DNASE1L1: variants seen among roughly 807,000 people sequenced by gnomAD.
DNASE1L1 encodes deoxyribonuclease 1 like 1, also known as deoxyribonuclease-1-like 1.
In DNASE1L1, 8 loss-of-function variants were observed where a neutral mutation model predicts 18.6. The observed-to-expected ratio is 0.43, with a 90% confidence interval of 0.25 to 0.78. The LOEUF (loss-of-function observed/expected upper bound fraction) is 0.78. Ranked by LOEUF, DNASE1L1 falls within the 30% of genes least tolerant of loss-of-function variation. The pLI is 0.23. For synonymous variants in DNASE1L1, 114 were observed against 114.2 expected (o/e 1.00, Z 0.01); for missense variants, 214 against 258.2 (o/e 0.83, Z 1.17).
chrX:154,405,202 A>G (rs1352043104), intron 2 of DNASE1L1, 119 bp from the exon 3 acceptor site: 2 of 850,983 alleles, frequency 2.4e-6, no homozygotes, highest in Admixed American at 7.2e-5. Context: ...ACTGCAGCCC[A>G]CAGAAAGCAG....
At chrX:154,403,822 T>C in intron 4 of DNASE1L1, 200 bp from the exon 5 acceptor site, 1 of 429,325 alleles carries the variant, frequency 2.3e-6, no homozygotes, top group Non-Finnish European at 4.1e-6. Context: ...ACAACACGGT[T>C]CTTTTGTACA....
At chrX:154,411,221 A>C, upstream of DNASE1L1, among the ~76,000 whole-genome samples, 1 of 110,620 alleles carries the variant, frequency 9.0e-6, no homozygotes, top group Admixed American at 9.5e-5. Flanking sequence ...AGGCGGGTGG[A>C]TCAGAGTGTG....
rs2068135439 is a variant in DNASE1L1 at position 154,405,642 on chromosome X, T to C, written c.-74A>G. The C allele has an allele frequency of 6.0e-6, 6 of 994,339 alleles. No homozygotes were observed. The South Asian group carries it at 2.0e-4, about 33-fold the overall frequency. The allele number at this position is 994,339 out of a possible 1,213,427, so 81.9% of individuals were successfully genotyped here. On this transcript the variant is annotated 5_prime_UTR_variant, in exon 2 of 8. Coordinates refer to ENST00000369807, the MANE Select transcript of DNASE1L1 (RefSeq NM_001303620.2). ...GGTGCGCTCTCACTGGGCTCAGTTC[T>C]GGCTCTGGAAGCGCTGAAATATGGA... is the stretch of plus-strand genomic sequence containing the variant.
At chrX:154,405,107 C>A (rs782622073) in intron 2 of DNASE1L1, 24 bp from the exon 3 acceptor site, 4 of 1,196,304 alleles carry the variant, frequency 3.3e-6, no homozygotes, top group South Asian at 1.8e-5. Context: ...GGAAGGCCAG[C>A]CTGACTCAGT....
chrX:154,405,470 C>G lies in DNASE1L1; in HGVS notation c.99G>C (p.Lys33Asn). ...AFNAQRLTLA[K>N]VAREQVMDTL... ...TGTCCATCACCTGCTCCCTGGCCAC[C>G]TTGGCCAGTGTCAGCCGCTGGGCAT... Residue 33 changes from lysine to asparagine, a missense_variant, in exon 2 of 8, where the codon AAG (lysine) becomes AAC (asparagine). Coordinates refer to ENST00000369807, the MANE Select transcript of DNASE1L1 (RefSeq NM_001303620.2). The G allele has an allele frequency of 8.3e-7, 1 of 1,202,820 alleles. No individual in the cohort carries two copies. The highest frequency in any genetic ancestry group is 1.1e-6 in the Non-Finnish European group (1 of 888,531).
At chrX:154,403,248 G>A (rs781920877) in intron 6 of DNASE1L1, 21 bp downstream of exon 6, 1 of 1,209,503 alleles carries the variant, frequency 8.3e-7, no homozygotes, top group East Asian at 3.0e-5. Flanking sequence ...TGTCCCTCCT[G>A]TACAAACTGC....
In DNASE1L1 at chrX:154,405,440, TA is replaced by T; in HGVS notation, c.128del (p.Leu43Ter). On this transcript the variant is annotated frameshift_variant, in exon 2 of 8. Coordinates refer to ENST00000369807, the MANE Select transcript of DNASE1L1 (RefSeq NM_001303620.2). LOFTEE classifies it high-confidence loss of function. ...KVAREQVMDT[L>X]VRILARCDIM... ...CCTGAAGTGATGAACTTACCCGAAC[TA>T]AGGTGTCCATCACCTGCTCCCTGGC... is the stretch of plus-strand genomic sequence containing the variant. 8.4e-7 allele frequency: 1 copy of T among 1,189,202 alleles called. No individual in the cohort carries two copies. Among genetic ancestry groups the T allele is most frequent in the Non-Finnish European group, 1.1e-6 (1 of 880,223 alleles).
chrX:154,406,400 G>A (rs1177919165), intron 1 of DNASE1L1, among the ~76,000 whole-genome samples: 16 of 83,254 alleles, frequency 1.9e-4, no homozygotes, highest in Middle Eastern at 8.5e-3. Flanking sequence ...ACGGAGTTTC[G>A]CTCTTGCTGC....
upstream of DNASE1L1, among the ~76,000 whole-genome samples, chrX:154,411,049 ATAT>A (rs2068271037): frequency 1.8e-5 from 2 of 112,262 alleles, no homozygotes; most frequent in Admixed American, 1.9e-4. Flanking sequence ...ATGATACACA[ATAT>A]GTTTGTATAT....
At chrX:154,411,776 C>A (rs1378989084), upstream of DNASE1L1, 14 of 1,031,681 alleles carry the variant, frequency 1.4e-5, no homozygotes, top group Non-Finnish European at 1.8e-5. Context: ...CGGTCGAGGT[C>A]GCAGACCTAG....
In DNASE1L1 at chrX:154,405,427, A is replaced by T. The variant is rs1557188181; in HGVS notation, c.135+7T>A. The T allele has an allele frequency of 8.5e-7, 1 of 1,179,691 alleles. No homozygotes were observed. The highest frequency in any genetic ancestry group is 3.0e-5 in the East Asian group (1 of 33,151). The stretch of plus-strand genomic sequence containing the variant: ...GGGGCACGGCTTCCCTGAAGTGATG[A>T]ACTTACCCGAACTAAGGTGTCCATC... On this transcript the variant is annotated splice_region_variant and intron_variant, in intron 2 of 7. Transcript: ENST00000369807.
upstream of DNASE1L1, chrX:154,412,043 T>C: frequency 8.3e-7 from 1 of 1,207,908 alleles, no homozygotes; most frequent in Non-Finnish European, 1.1e-6. Context: ...GGCCCCGACC[T>C]AGCGGGCGAG....
rs140830574 is a variant in DNASE1L1, at chrX:154,404,845, C to T, written c.294G>A (p.Thr98=). 59 of 1,209,848 alleles carry T rather than the reference C, an allele frequency of 4.9e-5. No homozygotes were observed. The highest frequency in any genetic ancestry group is 6.1e-5 in the Non-Finnish European group (55 of 894,971). The part of the protein sequence containing the change: ...PQLGRSTYME[T]YVYFYRSHKT... ...GTGCTCACCGATAGAAGTACACATA[C>T]GTCTCCATGTAGGTGCTGCGCCCCA... Residue 98 remains threonine (T), a synonymous_variant, in exon 4 of 8, where the codon ACG becomes ACA. Transcript: ENST00000369807.
chrX:154,402,988 G>A lies in DNASE1L1; in HGVS notation c.728C>T (p.Ala243Val). 2 of 1,211,062 alleles carry A rather than the reference G, an allele frequency of 1.7e-6. No homozygotes were observed. The highest frequency in any genetic ancestry group is 2.2e-6 in the Non-Finnish European group (2 of 895,496). ...GERCRSLLHT[A>V]AAFDFPTSFQ... is the part of the protein sequence containing the mutation. ...GCTCGTGGGGAAGTCAAAGGCAGCC[G>A]CAGTGTGCAGCAGACTCCGGCAGCG... Residue 243 changes from alanine (A) to valine (V), a missense_variant, in exon 7 of 8, where the codon GCG (alanine) becomes GTG (valine). Physicochemically the swap from Ala to Val is moderately conservative, Grantham distance 64. Transcript: ENST00000369807.
chrX:154,404,828 C>T lies in DNASE1L1; in HGVS notation c.311G>A (p.Arg104Gln), dbSNP rs781858230. The T allele has an allele frequency of 6.6e-6, 8 of 1,208,848 alleles. No homozygotes were observed. The highest frequency in any genetic ancestry group is 1.7e-5 in the African/African-American group (1 of 57,404). ...TYMETYVYFY[R>Q]SHKTQVLSSY... ...GCTGCGCTGCCAGCTCCGTGCTCAC[C>T]GATAGAAGTACACATACGTCTCCAT... The change falls in exon 4 of 8, where the codon CGG (arginine) becomes CAG (glutamine). Residue 104 changes from arginine to glutamine, a missense_variant and splice_region_variant. Arg to Gln is a conservative substitution (Grantham distance 43). Transcript: ENST00000369807.
Position 154,402,834 on chromosome X carries a change from T to C in DNASE1L1, c.782A>G (p.Asn261Ser). The change falls in exon 8 of 8, where the codon AAC becomes AGC. Residue 261 changes from asparagine (N) to serine (S), a missense_variant. By Grantham distance (46) the Asn-to-Ser change is conservative. Transcript: ENST00000369807. ...SFQLTEEEAL[N>S]ISDHYPVEVE... Reference sequence around the variant, plus strand: ...CTCCACGGGGTAGTGGTCACTGATGTTGAGGGCCTGGGAATGGGTGGTGGG... The same window carrying C: ...CTCCACGGGGTAGTGGTCACTGATGCTGAGGGCCTGGGAATGGGTGGTGGG... 1.7e-6 allele frequency: 2 copies of C among 1,209,449 alleles called. No individual in the cohort carries two copies. Among genetic ancestry groups the C allele is most frequent in the Non-Finnish European group, 2.2e-6 (2 of 893,849 alleles).
At position 154,407,218 on chromosome X, in the gene DNASE1L1, A is replaced by ATTT. The variant is rs782115573; in HGVS notation, c.-87-1566_-87-1564dup. Among the ~76,000 whole-genome samples the ATTT allele has an allele frequency of 1.3e-3, 33 of 25,750 alleles. 10 individuals carry two copies. The highest frequency in any genetic ancestry group is 2.2e-3 in the Non-Finnish European group (29 of 13,031). 22.4% of individuals were successfully genotyped at this position (25,750 alleles called of 115,157 possible). ...TACCTCAGCCTCCCAAAGTGCTGGG[A>ATTT]TTTTTTTTTTTTTTTTTTTTTTTTT... On this transcript the variant is annotated intron_variant, in intron 1 of 7. Transcript: ENST00000369807.
chrX:154,411,578 G>A (rs1295136907), upstream of DNASE1L1: 4 of 406,766 alleles, frequency 9.8e-6, no homozygotes, highest in East Asian at 1.2e-4. Context: ...GCCAGCGCCC[G>A]CCTTCCCGTT....
upstream of DNASE1L1, chrX:154,409,410 T>C: frequency 5.6e-6 from 1 of 179,381 alleles, no homozygotes. Context: ...CAGCGGGACA[T>C]GACAGACCTG....
Sources: allele counts gnomAD v4.1 joint callset (sites outside exome capture counted in the v4.1 genomes callset), GRCh38; gene constraint gnomAD v4.1.1; transcripts MANE v1.5; gene names NCBI Gene and HGNC (gene_info 2026-07-23, HGNC 2026-07-21).